Variants in SGCA observed in about 807,000 individuals in gnomAD.
SGCA encodes the protein sarcoglycan alpha.
A neutral mutation model predicts 38.1 loss-of-function variants in SGCA; 34 were observed. The observed-to-expected ratio is 0.89, with a 90% CI of 0.68 to 1.19. The LOEUF (loss-of-function observed/expected upper bound fraction) is 1.19, where lower values mean the gene tolerates loss of function less well. SGCA is among the 50% of genes most tolerant of loss of function. The probability of loss-of-function intolerance (pLI) is 0.00; values close to 1 mark genes in which losing one functional copy is unlikely to be tolerated. For missense variants in SGCA, 476 were observed against 524.9 expected (o/e 0.91, Z 0.91); for synonymous variants, 209 against 214.6 (o/e 0.97, Z 0.23).
At chr17:50,173,730 T>C (rs1905670908) in intron 8 of SGCA, among the ~76,000 whole-genome samples, 1 of 152,158 alleles carries the variant, frequency 6.6e-6, no homozygotes, top group Non-Finnish European at 1.5e-5. Context: ...GAAAATTGGG[T>C]TTCGGACAAC....
intron 6 of SGCA, chr17:50,169,787 G>T: frequency 2.4e-6 from 1 of 420,498 alleles, no homozygotes; most frequent in Non-Finnish European, 4.5e-6. Context: ...GACTCATTCA[G>T]GGTCCACAGC....
At chr17:50,171,399 C>A (rs1905379284) in intron 8 of SGCA, 5 of 419,316 alleles carry the variant, frequency 1.2e-5, no homozygotes, top group Non-Finnish European at 2.4e-5. Context: ...CTCCCAATAC[C>A]CTGAACCCTA....
At chr17:50,173,403 G>A (rs1050939886) in intron 8 of SGCA, among the ~76,000 whole-genome samples, 1 of 149,402 alleles carries the variant, frequency 6.7e-6, no homozygotes, top group Non-Finnish European at 1.5e-5. Flanking sequence ...GGCCACGTGT[G>A]TGTGTGTCTG....
At chr17:50,168,078 C>T (rs898344309) in intron 4 of SGCA, 59 bp downstream of exon 4, 127 of 1,499,302 alleles carry the variant, frequency 8.5e-5, no homozygotes, top group Admixed American at 2.5e-4. Flanking sequence ...GAATCTCTCC[C>T]GGAGGGGGAG....
At chr17:50,169,788 G>C (rs1567742052) in intron 6 of SGCA, 2 of 420,534 alleles carry the variant, frequency 4.8e-6, no homozygotes, top group Non-Finnish European at 8.9e-6. Flanking sequence ...ACTCATTCAG[G>C]GTCCACAGCC....
Position 50,167,791 on chromosome 17 carries a change from G to A in SGCA, c.312+55G>A. 1 of 1,593,060 alleles carries A rather than the reference G, an allele frequency of 6.3e-7. No individual in the cohort carries two copies. ...GGGGTGGGCCAGAGTGGCCTCCTAGGAGCAGCCCTATGAATTGGGATTGGG... is the reference window on the plus strand; with the variant it reads ...GGGGTGGGCCAGAGTGGCCTCCTAGAAGCAGCCCTATGAATTGGGATTGGG... On this transcript the variant is annotated intron_variant, in intron 3 of 9. Transcript: ENST00000262018. The surrounding 1 kb of genome is among the most constrained non-coding windows in gnomAD (Gnocchi z 4.5).
At chr17:50,172,166 C>T (rs1308198627) in intron 8 of SGCA, 1 of 456,912 alleles carries the variant, frequency 2.2e-6, no homozygotes, top group East Asian at 7.0e-5. Flanking sequence ...GAGCTCCGGC[C>T]CTCACCTTTA....
At chr17:50,168,282 G>T in intron 4 of SGCA, 92 bp from the exon 5 acceptor site, 4 of 1,109,618 alleles carry the variant, frequency 3.6e-6, no homozygotes, top group South Asian at 2.7e-5. Flanking sequence ...GCCTGAAGGG[G>T]TGTGCAGGGA....
At chr17:50,171,550 T>C (rs1360461441) in intron 8 of SGCA, 3 of 456,710 alleles carry the variant, frequency 6.6e-6, no homozygotes, top group Non-Finnish European at 1.3e-5. Flanking sequence ...TCGAACCCCC[T>C]TGATAAGCCG....
In SGCA at chr17:50,167,849, A is replaced by G. The variant is rs1905051305; in HGVS notation, c.313-98A>G. 9.2e-6 allele frequency: 14 copies of G among 1,529,788 alleles called. No homozygotes were observed. Among genetic ancestry groups the G allele is most frequent in the Non-Finnish European group, 1.3e-5 (14 of 1,103,462 alleles). 94.8% of individuals were successfully genotyped at this position (1,529,788 alleles called of 1,614,324 possible). ...TCACAGTCATTTACATATAATTTAC[A>G]TACCTCTAATTTGGTATCTGAGTCC... On this transcript the variant is annotated intron_variant, in intron 3 of 9. Coordinates refer to ENST00000262018, the MANE Select transcript of SGCA (RefSeq NM_000023.4). This position sits in a 1 kb window ranked among gnomAD's most constrained non-coding sequence, Gnocchi z 4.5.
At chr17:50,168,658 G>GT in intron 5 of SGCA, 86 bp downstream of exon 5, 1 of 1,280,744 alleles carries the variant, frequency 7.8e-7, no homozygotes, top group Admixed American at 2.0e-5. Flanking sequence ...TAATTTCCAG[G>GT]TGGGGCTTTA....
intron 8 of SGCA, chr17:50,172,470 G>A (rs1249714553): frequency 6.1e-6 from 2 of 328,650 alleles, no homozygotes; most frequent in African/African-American, 2.2e-5. Context: ...CACATGCCTG[G>A]GCGGATTTTA....
chr17:50,175,550 G>A, intron 9 of SGCA, 101 bp downstream of exon 9: 2 of 1,109,808 alleles, frequency 1.8e-6, no homozygotes, highest in Non-Finnish European at 2.7e-6. Flanking sequence ...CAGGGGAAGA[G>A]GCACATAGAC....
intron 7 of SGCA, 85 bp downstream of exon 7, chr17:50,170,436 C>T (rs1255945128): frequency 1.4e-6 from 2 of 1,438,298 alleles, no homozygotes; most frequent in Non-Finnish European, 1.9e-6. Context: ...TGTATGGGAC[C>T]CAGACACCAT....
In SGCA at chr17:50,167,246, C is replaced by A. The variant is rs191944135; in HGVS notation, c.38-122C>A. On this transcript the variant is annotated intron_variant, in intron 1 of 9. Coordinates refer to ENST00000262018, the MANE Select transcript of SGCA (RefSeq NM_000023.4). The surrounding 1 kb of genome is among the most constrained non-coding windows in gnomAD (Gnocchi z 4.5). Reference sequence around the variant, plus strand: ...CCCACCCCAATCCCTTCCTGGGAGGCAGCAAAGGAAGCGCTTCTCTCGGTC... The same window carrying A: ...CCCACCCCAATCCCTTCCTGGGAGGAAGCAAAGGAAGCGCTTCTCTCGGTC... 109 of 1,391,652 alleles carry A rather than the reference C, an allele frequency of 7.8e-5. No individual in the cohort carries two copies. In the East Asian group the frequency reaches 2.5e-3, roughly 32 times the overall value. 86.2% of individuals were successfully genotyped at this position (1,391,652 alleles called of 1,614,324 possible).
chr17:50,168,068 G>GA, intron 4 of SGCA, 49 bp downstream of exon 4: 1 of 1,541,698 alleles, frequency 6.5e-7, no homozygotes, highest in South Asian at 1.1e-5. Context: ...CAGTCTTGGG[G>GA]AATCTCTCCC....
Position 50,166,064 on chromosome 17 carries a change from T to A in SGCA, c.24T>A (p.Thr8=), listed in dbSNP as rs1165668797. The A allele has an allele frequency of 6.2e-7, 1 of 1,613,666 alleles. No individual in the cohort carries two copies. The highest frequency in any genetic ancestry group is 1.7e-5 in the Admixed American group (1 of 60,010). MAETLFW[T]PLLVVLLAGL... is the part of the protein sequence containing the mutation. ...CCATGGCTGAGACACTCTTCTGGAC[T>A]CCTCTCCTCGTGGGCAAGTTGGGGC... The change falls in exon 1 of 10, where the codon ACT becomes ACA. Residue 8 remains threonine (T), a synonymous_variant. Transcript: ENST00000262018.
chr17:50,167,596 G>A lies in SGCA; in HGVS notation c.172G>A (p.Val58Ile), dbSNP rs141953249. Residue 58 changes from valine (V) to isoleucine (I), a missense_variant, in exon 3 of 10, where the codon GTC becomes ATC. Coordinates refer to ENST00000262018, the MANE Select transcript of SGCA (RefSeq NM_000023.4). This position sits in a 1 kb window ranked among gnomAD's most constrained non-coding sequence, Gnocchi z 4.5. ...GCTTCCACCAGCTGTCCCACCCGCT[G>A]TCCACATCACCTACCACGCCCACCT... is the stretch of plus-strand genomic sequence containing the variant. ...LPEHVAVPPA[V>I]HITYHAHLQG... 1.2e-6 allele frequency: 2 copies of A among 1,613,518 alleles called. No homozygotes were observed. The highest frequency in any genetic ancestry group is 2.2e-5 in the East Asian group (1 of 44,870).
chr17:50,172,847 C>G (rs1905567539), intron 8 of SGCA, among the ~76,000 whole-genome samples: 1 of 152,218 alleles, frequency 6.6e-6, no homozygotes, highest in South Asian at 2.1e-4. Context: ...AAGCAACTTT[C>G]TATACAAAGC....
Sources: gnomAD v4.1 joint callset for allele counts (sites outside exome capture counted in the v4.1 genomes callset) on GRCh38, gnomAD v4.1.1 for gene constraint, Gnocchi (gnomAD v3.1) non-coding constraint, MANE v1.5 for transcripts, NCBI Gene and HGNC (gene_info 2026-07-23, HGNC 2026-07-21) for gene names.